HMGB1: variants seen among roughly 807,000 people sequenced by gnomAD.
HMGB1 encodes high mobility group box 1, also known as high mobility group protein B1.
For missense variants in HMGB1, 79 were observed against 253.5 expected, an observed-to-expected ratio of 0.31 and a Z score of 4.67; for synonymous variants, 81 against 84.0, an observed-to-expected ratio of 0.96 and a Z score of 0.19.
At chr13:30,606,788 G>C (rs755248502) in intron 1 of HMGB1, among the ~76,000 whole-genome samples, 1 of 152,162 alleles carries the variant, frequency 6.6e-6, no homozygotes, top group African/African-American at 2.4e-5. Flanking sequence ...AATGCTTATG[G>C]TTAGAATTCC....
At chr13:30,497,656 C>A (rs1887641030) in intron 1 of HMGB1, among the ~76,000 whole-genome samples, 1 of 152,120 alleles carries the variant, frequency 6.6e-6, no homozygotes, top group Admixed American at 6.6e-5. Context: ...CTCTTTGTAT[C>A]CGTGTGTACT....
chr13:30,465,998 C>T, upstream of HMGB1: 10 of 976,118 alleles, frequency 1.0e-5, no homozygotes, highest in Non-Finnish European at 1.2e-5. Context: ...CTCATTGGCC[C>T]GATACCTCCC....
intron 1 of HMGB1, among the ~76,000 whole-genome samples, chr13:30,597,762 T>C (rs1173897592): frequency 1.3e-5 from 2 of 152,134 alleles, no homozygotes; most frequent in Admixed American, 1.3e-4. Flanking sequence ...TTTTTTTTTA[T>C]AACTCCTTAA....
intron 1 of HMGB1, among the ~76,000 whole-genome samples, chr13:30,527,473 T>C (rs1220077957): frequency 6.6e-6 from 1 of 152,108 alleles, no homozygotes; most frequent in Non-Finnish European, 1.5e-5. Context: ...CCACAGTGGC[T>C]GGGGACTTGC....
intron 1 of HMGB1, among the ~76,000 whole-genome samples, chr13:30,520,422 C>T (rs898397673): frequency 6.6e-6 from 1 of 152,052 alleles, no homozygotes; most frequent in Non-Finnish European, 1.5e-5. Flanking sequence ...GAGTTTGGGA[C>T]CAGCCTGGCC....
intron 1 of HMGB1, among the ~76,000 whole-genome samples, chr13:30,493,537 G>C (rs115479304): frequency 1.3e-5 from 2 of 152,138 alleles, no homozygotes; most frequent in Non-Finnish European, 2.9e-5. Context: ...GCTCACGCCT[G>C]TAATCCTAGC....
chr13:30,471,153 G>A (rs1886915677), intron 1 of HMGB1, among the ~76,000 whole-genome samples: 2 of 151,380 alleles, frequency 1.3e-5, no homozygotes, highest in Admixed American at 1.3e-4. Context: ...TGTATTTTTA[G>A]TAGAGACAGG....
At chr13:30,600,573 T>C (rs1009605527) in intron 1 of HMGB1, among the ~76,000 whole-genome samples, 6 of 152,174 alleles carry the variant, frequency 3.9e-5, no homozygotes, top group Admixed American at 2.6e-4. Flanking sequence ...TTCTGTATAA[T>C]AGTATAGGTT....
chr13:30,464,276 G>C (rs1454887390), intron 1 of HMGB1: 4 of 985,566 alleles, frequency 4.1e-6, no homozygotes, highest in Non-Finnish European at 4.8e-6. Flanking sequence ...GCCACCGCGA[G>C]GCAGCCTCGT....
chr13:30,589,381 T>A (rs1197240084), intron 1 of HMGB1, among the ~76,000 whole-genome samples: 1 of 152,124 alleles, frequency 6.6e-6, no homozygotes, highest in East Asian at 1.9e-4. Flanking sequence ...AGATTGTAAG[T>A]GGAGGGGCTA....
intron 1 of HMGB1, among the ~76,000 whole-genome samples, chr13:30,497,110 CT>C (rs896370824): frequency 9.2e-5 from 14 of 152,166 alleles, no homozygotes; most frequent in African/African-American, 3.4e-4. Context: ...TCGCTGGCTC[CT>C]TCCTCTTCAC....
chr13:30,548,516 A>G (rs1180608540), intron 1 of HMGB1, among the ~76,000 whole-genome samples: 1 of 152,266 alleles, frequency 6.6e-6, no homozygotes, highest in Non-Finnish European at 1.5e-5. Flanking sequence ...ATATTTCATT[A>G]GCGAACAGTG....
intron 1 of HMGB1, among the ~76,000 whole-genome samples, chr13:30,572,178 G>T (rs1287935167): frequency 6.6e-6 from 1 of 152,212 alleles, no homozygotes; most frequent in Non-Finnish European, 1.5e-5. Flanking sequence ...CTGTTCATGG[G>T]TATCAGGGTA....
intron 1 of HMGB1, among the ~76,000 whole-genome samples, chr13:30,508,512 A>C (rs557984805): frequency 2.6e-5 from 4 of 151,256 alleles, no homozygotes; most frequent in Non-Finnish European, 5.9e-5. Context: ...CTCCCTCTCA[A>C]GAAAAAAAGA....
At chr13:30,570,300 G>A (rs1016384418) in intron 1 of HMGB1, among the ~76,000 whole-genome samples, 1 of 152,150 alleles carries the variant, frequency 6.6e-6, no homozygotes, top group African/African-American at 2.4e-5. Flanking sequence ...TAAAAATAAA[G>A]AAGAAAGAAA....
At chr13:30,466,448 G>A (rs1886789181), upstream of HMGB1, among the ~76,000 whole-genome samples, 1 of 152,202 alleles carries the variant, frequency 6.6e-6, no homozygotes, top group Admixed American at 6.5e-5. Flanking sequence ...GGAAGCCGCC[G>A]AGCCTCGAGC....
At chr13:30,558,831 A>T (rs569047697) in intron 1 of HMGB1, among the ~76,000 whole-genome samples, 3 of 152,312 alleles carry the variant, frequency 2.0e-5, no homozygotes, top group African/African-American at 7.2e-5. Flanking sequence ...CCCCAGACCC[A>T]CTGAATCAGA....
chr13:30,474,854 GTT>G (rs1275635810), intron 1 of HMGB1, among the ~76,000 whole-genome samples: 3 of 67,662 alleles, frequency 4.4e-5, no homozygotes, highest in Non-Finnish European at 6.2e-5. Context: ...CTCTTTTTTT[GTT>G]TTTTTTTTTT....
intron 1 of HMGB1, chr13:30,554,646 C>G (rs1265114132): frequency 1.3e-6 from 1 of 771,780 alleles, no homozygotes; most frequent in Non-Finnish European, 2.4e-6. Context: ...GAAAAACTGA[C>G]AGGTGACCGA....
Sources: allele counts gnomAD v4.1 joint callset (sites outside exome capture counted in the v4.1 genomes callset), GRCh38; gene constraint gnomAD v4.1.1; transcripts MANE v1.5; gene names NCBI Gene and HGNC (gene_info 2026-07-23, HGNC 2026-07-21).